Variants in DIP2C observed in about 807,000 individuals in gnomAD.
DIP2C encodes DIP2 acetate--CoA ligase C (putative).
Under a neutral mutation model 192.4 loss-of-function variants are expected in DIP2C, and 33 were observed. The observed-to-expected ratio is 0.17, with a 90% CI of 0.13 to 0.23. The LOEUF is 0.23. Ranked by LOEUF, DIP2C falls within the 10% of genes least tolerant of loss-of-function variation. The probability of loss-of-function intolerance (pLI) is 1.00; values close to 1 mark genes in which losing one functional copy is unlikely to be tolerated. For synonymous variants in DIP2C, 979 were observed against 864.1 expected, an observed-to-expected ratio of 1.13 and a Z score of -2.33; for missense variants, 1,537 against 2,110.1, an observed-to-expected ratio of 0.73 and a Z score of 5.32.
At chr10:676,183 C>A (rs1349313772) in intron 1 of DIP2C, among the ~76,000 whole-genome samples, 1 of 152,100 alleles carries the variant, frequency 6.6e-6, no homozygotes, top group Non-Finnish European at 1.5e-5. Context: ...TCAATAGATA[C>A]AGAAAAAGCA....
chr10:678,707 A>G lies in DIP2C; in HGVS notation c.85+10787T>C, dbSNP rs190155361. 9.0e-3 allele frequency among the ~76,000 whole-genome samples: 42 copies of G among 4,656 alleles called. 2 individuals are homozygous for G. The highest frequency in any genetic ancestry group is 0.012 in the African/African-American group (39 of 3,124). 3.1% of individuals were successfully genotyped at this position (4,656 alleles called of 152,430 possible). ...CATGCTCCCCACACCCGTTCTCCCC[A>G]CGCCCATGCTCCCCACACCCGTGCT... On this transcript the variant is annotated intron_variant, in intron 1 of 36. Coordinates refer to ENST00000280886, the MANE Select transcript of DIP2C (RefSeq NM_014974.3).
intron 1 of DIP2C, among the ~76,000 whole-genome samples, chr10:590,694 T>TA (rs1851349072): frequency 6.6e-6 from 1 of 152,226 alleles, no homozygotes; most frequent in Admixed American, 6.5e-5. Context: ...GACGGGTTTT[T>TA]ACTTTACATA....
chr10:615,926 G>GA (rs1396899679), intron 1 of DIP2C, among the ~76,000 whole-genome samples: 1 of 152,202 alleles, frequency 6.6e-6, no homozygotes, highest in African/African-American at 2.4e-5. Context: ...TGCCTGTAGG[G>GA]AGGCTCCACA....
chr10:394,707 C>T (rs1224706167), intron 10 of DIP2C, among the ~76,000 whole-genome samples: 20 of 145,340 alleles, frequency 1.4e-4, no homozygotes, highest in Admixed American at 4.1e-4. Flanking sequence ...ACCGGAAGGA[C>T]GCTAGGCCAC....
rs1172192997 is a variant in DIP2C, at chr10:508,328, T to A, written c.86-21798A>T. ...GCAGCCTGGGCGCAGATCCACAGGC[T>A]CAGAGTGCCCAGGCCCTCAGCCCCT... is the stretch of plus-strand genomic sequence containing the variant. On this transcript the variant is annotated intron_variant, in intron 1 of 36. Transcript: ENST00000280886. Among the ~76,000 whole-genome samples, 3 of 152,288 alleles carry A rather than the reference T, an allele frequency of 2.0e-5. No homozygotes were observed. The East Asian group carries it at 5.8e-4, about 29-fold the overall frequency.
intron 1 of DIP2C, among the ~76,000 whole-genome samples, chr10:675,500 G>T (rs1286628499): frequency 6.6e-6 from 1 of 150,914 alleles, no homozygotes; most frequent in Admixed American, 6.6e-5. Context: ...TTGGTTTTTT[G>T]AAAAGATAAA....
At chr10:444,658 T>C (rs1464794620) in intron 3 of DIP2C, among the ~76,000 whole-genome samples, 1 of 152,226 alleles carries the variant, frequency 6.6e-6, no homozygotes, top group East Asian at 1.9e-4. Context: ...CTGACACTCG[T>C]GTAGATTCTC....
chr10:571,413 G>C (rs1849802482), intron 1 of DIP2C, among the ~76,000 whole-genome samples: 1 of 152,058 alleles, frequency 6.6e-6, no homozygotes, highest in African/African-American at 2.4e-5. Context: ...ACCGGCTCCG[G>C]GGCTCATTTC....
intron 19 of DIP2C, chr10:365,155 A>G (rs2132741382): frequency 2.5e-6 from 1 of 394,576 alleles, no homozygotes; most frequent in East Asian, 7.3e-5. Flanking sequence ...CTCAGTTTCG[A>G]GGGATATTTT....
chr10:404,680 A>G (rs577365511), intron 9 of DIP2C, among the ~76,000 whole-genome samples: 1 of 152,380 alleles, frequency 6.6e-6, no homozygotes, highest in East Asian at 1.9e-4. Flanking sequence ...GAAAGGTCGG[A>G]ATGCAGGATC....
At chr10:582,456 G>C (rs568429274) in intron 1 of DIP2C, among the ~76,000 whole-genome samples, 9 of 152,328 alleles carry the variant, frequency 5.9e-5, no homozygotes, top group African/African-American at 2.2e-4. Flanking sequence ...GCTGGTGCGC[G>C]CCTGAGGTCC....
intron 1 of DIP2C, among the ~76,000 whole-genome samples, chr10:656,755 G>A (rs1313840291): frequency 2.0e-5 from 3 of 151,988 alleles, no homozygotes; most frequent in Admixed American, 6.5e-5. Context: ...GAAGACAGAC[G>A]GCTGTCGGTG....
rs1954805144 is a variant in DIP2C at position 281,269 on chromosome 10, C to T, written c.4349G>A (p.Arg1450Gln). The change falls in exon 36 of 37, where the codon CGG becomes CAG. Residue 1450 changes from arginine to glutamine, a missense_variant. By Grantham distance (43) the Arg-to-Gln change is conservative. This residue lies in a region of DIP2C where 341 missense variants were observed against 551.7 expected (regional missense o/e 0.62). Coordinates refer to ENST00000280886, the MANE Select transcript of DIP2C (RefSeq NM_014974.3). ...VGALDEAMEL[R>Q]GMRYHPIDIE... is the part of the protein sequence containing the mutation. ...GTCGATTGGGTGGTACCGCATGCCC[C>T]GCAGCTCCATGGCTTCGTCCAGTGC... 6 of 1,614,032 alleles carry T rather than the reference C, an allele frequency of 3.7e-6. No homozygotes were observed. Among genetic ancestry groups the T allele is most frequent in the African/African-American group, 1.3e-5 (1 of 74,920 alleles).
At chr10:443,590 G>A (rs1967918064) in intron 3 of DIP2C, among the ~76,000 whole-genome samples, 1 of 152,122 alleles carries the variant, frequency 6.6e-6, no homozygotes, top group African/African-American at 2.4e-5. Context: ...CCCATCCACA[G>A]GCACTTCTGT....
In DIP2C at chr10:613,271, C is replaced by T. The variant is rs1479898847; in HGVS notation, c.85+76223G>A. 3.3e-5 allele frequency among the ~76,000 whole-genome samples: 5 copies of T among 152,262 alleles called. No homozygotes were observed. The East Asian group carries it at 9.6e-4, about 29-fold the overall frequency. On this transcript the variant is annotated intron_variant, in intron 1 of 36. Transcript: ENST00000280886. ...GCCAGTGAGAGGACGCTCGGACAGT[C>T]CCTTACAGGTCCTCGGCCTCCGCCT...
intron 1 of DIP2C, among the ~76,000 whole-genome samples, chr10:685,092 C>T (rs1291669363): frequency 7.2e-6 from 1 of 138,612 alleles, no homozygotes; most frequent in Admixed American, 7.6e-5. Flanking sequence ...CGAGATTGCA[C>T]CACTGCACCC....
At chr10:427,587 T>A (rs1966673159) in intron 4 of DIP2C, among the ~76,000 whole-genome samples, 1 of 6,444 alleles carries the variant, frequency 1.6e-4, no homozygotes, top group South Asian at 0.083. Context: ...GGGCAAAAAA[T>A]CTGGACATTT....
At chr10:653,421 C>T (rs1218238520) in intron 1 of DIP2C, among the ~76,000 whole-genome samples, 4 of 152,048 alleles carry the variant, frequency 2.6e-5, no homozygotes, top group Admixed American at 2.6e-4. Flanking sequence ...GCACTCCAGC[C>T]GGGGTGACAG....
chr10:479,688 T>G (rs1843441719), intron 2 of DIP2C, among the ~76,000 whole-genome samples: 1 of 152,158 alleles, frequency 6.6e-6, no homozygotes, highest in Admixed American at 6.6e-5. Context: ...TTGCCACACA[T>G]CAGTATATAT....
Sources: allele counts gnomAD v4.1 joint callset (sites outside exome capture counted in the v4.1 genomes callset), GRCh38; gene constraint gnomAD v4.1.1; regional missense constraint gnomAD v4.1.1; transcripts MANE v1.5; gene names NCBI Gene and HGNC (gene_info 2026-07-23, HGNC 2026-07-21).